Variants in ACSS1 observed in about 807,000 individuals in gnomAD.
The protein encoded by ACSS1 is acyl-CoA synthetase short chain family member 1.
ACSS1 carries 42 observed loss-of-function variants against 75.3 expected under a neutral mutation model. The observed-to-expected ratio is 0.56, with a 90% CI of 0.44 to 0.72. The LOEUF (loss-of-function observed/expected upper bound fraction) is 0.72. ACSS1 is among the 30% of genes least tolerant of loss of function. The pLI, the probability that ACSS1 is intolerant of heterozygous loss-of-function variation, is 0.00. For synonymous variants in ACSS1, 380 were observed against 376.8 expected (o/e 1.01, Z -0.10); for missense variants, 782 against 935.7 (o/e 0.84, Z 2.14).
chr20:25,032,335 G>T (rs760205587), intron 2 of ACSS1: 4 of 1,311,454 alleles, frequency 3.1e-6, no homozygotes, highest in Non-Finnish European at 3.9e-6. Context: ...TCAACTCCGG[G>T]AAAACTGGGA....
intron 2 of ACSS1, among the ~76,000 whole-genome samples, chr20:25,032,020 C>T (rs1320111569): frequency 1.3e-5 from 2 of 152,178 alleles, no homozygotes; most frequent in East Asian, 3.9e-4. Context: ...GCCACAACTC[C>T]CTGCAGCCCC....
At chr20:25,034,963 A>G (rs980252890) in intron 2 of ACSS1, among the ~76,000 whole-genome samples, 2 of 151,314 alleles carry the variant, frequency 1.3e-5, no homozygotes, top group Non-Finnish European at 2.9e-5. Context: ...CGCGATCTCC[A>G]CCCACTGCAA....
chr20:25,030,086 T>A (rs2088796450), intron 3 of ACSS1, among the ~76,000 whole-genome samples: 1 of 152,182 alleles, frequency 6.6e-6, no homozygotes, highest in African/African-American at 2.4e-5. Flanking sequence ...CTGAGAACTC[T>A]ACCCATTAGT....
At chr20:25,010,840 A>T (rs2088395142) in intron 12 of ACSS1, 1 of 152,236 alleles carries the variant, frequency 6.6e-6, no homozygotes, top group Non-Finnish European at 1.5e-5. Flanking sequence ...CAAGAGAGAC[A>T]AGAGCCTGGC....
chr20:25,055,607 T>C (rs8121327), intron 1 of ACSS1, among the ~76,000 whole-genome samples: 5,019 of 152,286 alleles, frequency 0.033, 264 homozygotes, highest in African/African-American at 0.12. Context: ...TCAGGTCCCA[T>C]CCCAGGGTTT....
chr20:25,021,557 C>A, intron 5 of ACSS1, 21 bp from the exon 6 acceptor site: 11 of 1,610,104 alleles, frequency 6.8e-6, no homozygotes, highest in Non-Finnish European at 9.3e-6. Flanking sequence ...AGGAAAGGAG[C>A]ATCAGGAGCT....
In ACSS1 at chr20:25,057,907, C is replaced by T; in HGVS notation, c.196G>A (p.Ala66Thr). 1 of 1,612,094 alleles carries T rather than the reference C, an allele frequency of 6.2e-7. No individual in the cohort carries two copies. The highest frequency in any genetic ancestry group is 8.5e-7 in the Non-Finnish European group (1 of 1,179,540). The change falls in exon 1 of 14, where the codon GCC becomes ACC. Residue 66 changes from alanine (A) to threonine (T), a missense_variant. This residue lies in a region of ACSS1 where 377 missense variants were observed against 383.1 expected (regional missense o/e 0.98). Coordinates refer to ENST00000323482, the MANE Select transcript of ACSS1 (RefSeq NM_032501.4). ...CCCCAGAAGGCGGCCGGCTCCCGGG[C>T]TGCCTGTGCACTCAGCGCGGGATAC... ...GSYPALSAQA[A>T]REPAAFWGPL...
At chr20:25,034,406 A>G (rs13039383) in intron 2 of ACSS1, among the ~76,000 whole-genome samples, 2,326 of 152,032 alleles carry the variant, frequency 0.015, 36 homozygotes, top group East Asian at 0.031. Context: ...CTTGCCCCTC[A>G]TCCTCTTGGA....
intron 3 of ACSS1, among the ~76,000 whole-genome samples, chr20:25,026,374 GC>G (rs1330146046): frequency 6.6e-6 from 1 of 152,224 alleles, no homozygotes; most frequent in Non-Finnish European, 1.5e-5. Flanking sequence ...GCCTGTGCCA[GC>G]CTGGACTGTA....
intron 2 of ACSS1, among the ~76,000 whole-genome samples, chr20:25,034,401 C>T (rs2088875086): frequency 6.6e-6 from 1 of 152,036 alleles, no homozygotes; most frequent in African/African-American, 2.4e-5. Context: ...TACTCCTTGC[C>T]CCTCATCCTC....
At position 25,057,653 on chromosome 20, in the gene ACSS1, G is replaced by GC. The variant is rs1439441576; in HGVS notation, c.334+115dup. The GC allele has an allele frequency of 9.0e-6, 9 of 998,490 alleles. No individual in the cohort carries two copies. In the South Asian group the frequency reaches 1.5e-4, roughly 17 times the overall value. The allele number at this position is 998,490 out of a possible 1,614,324, so 61.9% of individuals were successfully genotyped here. A position where few individuals can be genotyped will look rare whatever the true frequency, so the allele number is the denominator to read the frequency against. On this transcript the variant is annotated intron_variant, in intron 1 of 13. Coordinates refer to ENST00000323482, the MANE Select transcript of ACSS1 (RefSeq NM_032501.4). ...GGGCGGACGGAATACCGGAGGAGGG[G>GC]CCCCTGCAGGGCTGCGATCCGCGCT...
intron 2 of ACSS1, among the ~76,000 whole-genome samples, chr20:25,041,428 G>A (rs561786310): frequency 2.0e-5 from 3 of 152,244 alleles, no homozygotes; most frequent in Admixed American, 6.5e-5. Flanking sequence ...AGATGGCACC[G>A]TACTCCCGGG....
intron 3 of ACSS1, among the ~76,000 whole-genome samples, chr20:25,028,009 A>T (rs1449717755): frequency 2.0e-5 from 3 of 152,166 alleles, no homozygotes; most frequent in Non-Finnish European, 4.4e-5. Context: ...TTAGGAAAAC[A>T]ATTCCATTTA....
At chr20:25,053,060 C>CTTTT (rs1171891974) in intron 1 of ACSS1, among the ~76,000 whole-genome samples, 4,517 of 118,020 alleles carry the variant, frequency 0.038, 518 homozygotes, top group African/African-American at 0.16. Flanking sequence ...TCACAATGAG[C>CTTTT]TTTTTTTTTT....
At chr20:25,036,181 C>T (rs531431623) in intron 2 of ACSS1, among the ~76,000 whole-genome samples, 1 of 152,186 alleles carries the variant, frequency 6.6e-6, no homozygotes, top group African/African-American at 2.4e-5. Context: ...CTGCAGTGTA[C>T]TCTGCCGGGT....
chr20:25,031,969 A>C (rs1568840737), intron 2 of ACSS1, among the ~76,000 whole-genome samples: 1 of 152,196 alleles, frequency 6.6e-6, no homozygotes, highest in Non-Finnish European at 1.5e-5. Context: ...CCAGCTCTGC[A>C]AAGCCACAGT....
At chr20:25,051,612 C>T (rs1426188923) in intron 1 of ACSS1, among the ~76,000 whole-genome samples, 1 of 152,236 alleles carries the variant, frequency 6.6e-6, no homozygotes, top group East Asian at 1.9e-4. Flanking sequence ...TGGGACCCGA[C>T]TCTGACGATG....
At chr20:25,030,359 C>T (rs1460064505) in intron 3 of ACSS1, among the ~76,000 whole-genome samples, 1 of 152,208 alleles carries the variant, frequency 6.6e-6, no homozygotes, top group African/African-American at 2.4e-5. Flanking sequence ...AAATATGGTC[C>T]ACACCTTCAC....
At position 25,045,236 on chromosome 20, in the gene ACSS1, A is replaced by C. The variant is rs569137183; in HGVS notation, c.431+2849T>G. ...ACACCCGGGGAGATTAGGGAGCTGC[A>C]CAAGGTCACAGGCCAGCAGCAGGAT... On this transcript the variant is annotated intron_variant, in intron 2 of 13. Coordinates refer to ENST00000323482, the MANE Select transcript of ACSS1 (RefSeq NM_032501.4). Among the ~76,000 whole-genome samples the C allele has an allele frequency of 1.8e-3, 276 of 152,330 alleles. 1 individual carries two copies. Among genetic ancestry groups the C allele is most frequent in the African/African-American group, 6.4e-3 (267 of 41,580 alleles).
Sources: gnomAD v4.1 joint callset for allele counts (sites outside exome capture counted in the v4.1 genomes callset) on GRCh38, gnomAD v4.1.1 for gene constraint, gnomAD v4.1.1 regional missense constraint, MANE v1.5 for transcripts, NCBI Gene and HGNC (gene_info 2026-07-23, HGNC 2026-07-21) for gene names.